Variants in TPST1 observed in about 807,000 individuals in gnomAD.
TPST1 encodes the protein protein-tyrosine sulfotransferase 1.
In TPST1, 20 loss-of-function variants were observed where a neutral mutation model predicts 34.8. The ratio of observed to expected loss-of-function variants is 0.57; its 90% confidence interval spans 0.40 to 0.84. The LOEUF is 0.84. Among genes scored for constraint, TPST1 ranks in the 40% least tolerant of loss-of-function variants. The probability of loss-of-function intolerance (pLI) is 0.00; values close to 1 mark genes in which losing one functional copy is unlikely to be tolerated. For missense variants in TPST1, 353 were observed against 455.5 expected (o/e 0.78, Z 2.05); for synonymous variants, 152 against 159.4 (o/e 0.95, Z 0.35).
At chr7:66,295,413 T>C (rs1791173334) in intron 3 of TPST1, among the ~76,000 whole-genome samples, 1 of 152,286 alleles carries the variant, frequency 6.6e-6, no homozygotes, top group East Asian at 1.9e-4. Context: ...GAGGATTGCT[T>C]GAGCCCAGAA....
At chr7:66,306,390 C>T (rs1212128625) in intron 3 of TPST1, among the ~76,000 whole-genome samples, 2 of 152,192 alleles carry the variant, frequency 1.3e-5, no homozygotes, top group African/African-American at 2.4e-5. Context: ...AGGTGAGACC[C>T]GTGTAGGTGC....
chr7:66,213,784 T>A (rs1348443963), intron 1 of TPST1, among the ~76,000 whole-genome samples: 1 of 152,120 alleles, frequency 6.6e-6, no homozygotes, highest in Non-Finnish European at 1.5e-5. Flanking sequence ...TTAAAATCTC[T>A]GTCAGATCAT....
intron 3 of TPST1, among the ~76,000 whole-genome samples, chr7:66,329,774 G>A (rs1251738733): frequency 6.6e-6 from 1 of 152,150 alleles, no homozygotes; most frequent in African/African-American, 2.4e-5. Context: ...CCATAACAAA[G>A]AGCGAAATCA....
chr7:66,235,761 T>A (rs796394758), intron 1 of TPST1, among the ~76,000 whole-genome samples: 1 of 152,156 alleles, frequency 6.6e-6, no homozygotes, highest in African/African-American at 2.4e-5. Flanking sequence ...TTATACATTT[T>A]AGGGAGACAT....
chr7:66,338,158 A>G (rs1261460389), intron 3 of TPST1, among the ~76,000 whole-genome samples: 1 of 152,210 alleles, frequency 6.6e-6, no homozygotes, highest in African/African-American at 2.4e-5. Flanking sequence ...ATTTATGCAA[A>G]TGGAAACCAA....
At chr7:66,335,556 C>T (rs780406801) in intron 3 of TPST1, among the ~76,000 whole-genome samples, 20 of 152,022 alleles carry the variant, frequency 1.3e-4, no homozygotes, top group Non-Finnish European at 2.6e-4. Flanking sequence ...AGTTGGAGAA[C>T]AATGTTTACC....
chr7:66,274,360 C>A (rs1023462405), intron 2 of TPST1, among the ~76,000 whole-genome samples: 12 of 150,764 alleles, frequency 8.0e-5, no homozygotes, highest in Non-Finnish European at 1.8e-4. Flanking sequence ...GAGTGAGACT[C>A]CGTCTGAAAA....
chr7:66,298,373 G>T (rs1385254983), intron 3 of TPST1, among the ~76,000 whole-genome samples: 1 of 152,100 alleles, frequency 6.6e-6, no homozygotes, highest in East Asian at 1.9e-4. Context: ...TAACTCTTTT[G>T]TAATTATGAA....
chr7:66,352,473 G>T, intron 3 of TPST1, 32 bp from the exon 4 acceptor site: 1 of 1,607,938 alleles, frequency 6.2e-7, no homozygotes, highest in Non-Finnish European at 8.5e-7. Context: ...TGGACCTGTT[G>T]CCTTAAACTC....
intron 3 of TPST1, among the ~76,000 whole-genome samples, chr7:66,311,455 A>C (rs1791529999): frequency 6.6e-6 from 1 of 152,114 alleles, no homozygotes; most frequent in South Asian, 2.1e-4. Flanking sequence ...TTTTATTTTG[A>C]AAGAAGGCTG....
At chr7:66,273,045 A>G (rs976759730) in intron 2 of TPST1, among the ~76,000 whole-genome samples, 2 of 152,196 alleles carry the variant, frequency 1.3e-5, no homozygotes, top group Non-Finnish European at 2.9e-5. Flanking sequence ...TAAAGACTCC[A>G]CCAAAAATTG....
intron 2 of TPST1, among the ~76,000 whole-genome samples, chr7:66,279,375 G>A (rs1790887168): frequency 1.3e-5 from 2 of 152,144 alleles, no homozygotes; most frequent in South Asian, 4.1e-4. Context: ...ATTGTGAACA[G>A]TGTTGCGATG....
intron 2 of TPST1, among the ~76,000 whole-genome samples, chr7:66,261,973 A>G (rs1334679709): frequency 1.3e-5 from 2 of 152,188 alleles, no homozygotes; most frequent in Non-Finnish European, 2.9e-5. Context: ...CAGGAGAACC[A>G]TGTCTGTTCC....
intron 2 of TPST1, among the ~76,000 whole-genome samples, chr7:66,274,095 A>G (rs6460284): frequency 0.67 from 100,841 of 150,866 alleles, 33,924 homozygotes; most frequent in African/African-American, 0.76. Flanking sequence ...CCAGCTGGGC[A>G]CGGTGGCTGA....
intron 1 of TPST1, among the ~76,000 whole-genome samples, chr7:66,239,367 G>C (rs527798955): frequency 4.0e-4 from 61 of 152,164 alleles, no homozygotes; most frequent in African/African-American, 1.3e-3. Context: ...GTCCCTTTGC[G>C]TATTTCCACG....
chr7:66,273,119 G>T (rs935567332), intron 2 of TPST1, among the ~76,000 whole-genome samples: 2 of 152,072 alleles, frequency 1.3e-5, no homozygotes, highest in Non-Finnish European at 2.9e-5. Flanking sequence ...AAAATCAGTA[G>T]TGTTTCTATA....
chr7:66,260,122 G>T (rs1217545688), intron 2 of TPST1, among the ~76,000 whole-genome samples: 2 of 152,078 alleles, frequency 1.3e-5, no homozygotes, highest in African/African-American at 4.8e-5. Context: ...TACAGCTTAA[G>T]TATCTCTTAT....
At chr7:66,245,870 T>G (rs1465719902) in intron 2 of TPST1, among the ~76,000 whole-genome samples, 2 of 152,190 alleles carry the variant, frequency 1.3e-5, no homozygotes, top group Non-Finnish European at 2.9e-5. Flanking sequence ...CCCAGAAGAA[T>G]TTTATAAATA....
At chr7:66,235,292 G>A (rs1789889474) in intron 1 of TPST1, among the ~76,000 whole-genome samples, 1 of 149,976 alleles carries the variant, frequency 6.7e-6, no homozygotes, top group African/African-American at 2.5e-5. Context: ...TTCACGTCAC[G>A]CCATTCTCCT....
Sources: gnomAD v4.1 joint callset for allele counts (sites outside exome capture counted in the v4.1 genomes callset) on GRCh38, gnomAD v4.1.1 for gene constraint, MANE v1.5 for transcripts, NCBI Gene and HGNC (gene_info 2026-07-23, HGNC 2026-07-21) for gene names.